The following EXOC6B variants were observed in gnomAD, a reference collection of about 807,000 sequenced individuals.
EXOC6B encodes exocyst complex component 6B.
EXOC6B carries 54 observed loss-of-function variants against 113.5 expected under a neutral mutation model. The observed-to-expected ratio is 0.48, with a 90% CI of 0.38 to 0.60. EXOC6B has a LOEUF of 0.60. Ranked by LOEUF, EXOC6B falls within the 20% of genes least tolerant of loss-of-function variation. EXOC6B has a pLI of 0.00. For missense variants in EXOC6B, 797 were observed against 977.5 expected (o/e 0.82, Z 2.46); for synonymous variants, 357 against 339.0 (o/e 1.05, Z -0.58).
intron 1 of EXOC6B, among the ~76,000 whole-genome samples, chr2:72,797,245 A>G (rs953695802): frequency 1.3e-5 from 2 of 152,244 alleles, no homozygotes; most frequent in African/African-American, 4.8e-5. Flanking sequence ...ATAAGGAAAG[A>G]GCTGTTTTTA....
chr2:72,233,607 T>G (rs557273356), intron 20 of EXOC6B, among the ~76,000 whole-genome samples: 2 of 152,234 alleles, frequency 1.3e-5, no homozygotes, highest in Admixed American at 6.5e-5. Context: ...GGGCAACTCT[T>G]GAGTCCAGGG....
chr2:72,656,078 T>A (rs1674553376), intron 6 of EXOC6B, among the ~76,000 whole-genome samples: 1 of 152,046 alleles, frequency 6.6e-6, no homozygotes, highest in African/African-American at 2.4e-5. Flanking sequence ...ATAAATAGAC[T>A]AAAATGCCTA....
intron 1 of EXOC6B, among the ~76,000 whole-genome samples, chr2:72,796,223 C>T (rs949724832): frequency 5.3e-5 from 8 of 151,006 alleles, no homozygotes; most frequent in Admixed American, 2.0e-4. Context: ...AAGGCCGAGG[C>T]GGGTGGATCA....
intron 8 of EXOC6B, among the ~76,000 whole-genome samples, chr2:72,556,189 A>G (rs760049430): frequency 2.0e-5 from 3 of 152,210 alleles, no homozygotes; most frequent in Non-Finnish European, 4.4e-5. Context: ...TGGAAGGCCA[A>G]AGAACAATGA....
chr2:72,672,457 G>A (rs1033192081), intron 6 of EXOC6B, among the ~76,000 whole-genome samples: 6 of 149,908 alleles, frequency 4.0e-5, no homozygotes, highest in Admixed American at 1.3e-4. Context: ...GGTGAAACCC[G>A]GCCTCTACTA....
chr2:72,797,049 T>A (rs1032983938), intron 1 of EXOC6B, among the ~76,000 whole-genome samples: 1 of 152,152 alleles, frequency 6.6e-6, no homozygotes, highest in Non-Finnish European at 1.5e-5. Flanking sequence ...GGACTTCAAA[T>A]TGAGGAAGGG....
Position 72,730,989 on chromosome 2 carries a change from AT to A in EXOC6B, c.464+17del. ...AATTTTAGATAGTAAAAACTGTTCG[AT>A]TAAAAAAAAATCTTACCTTTTAGTT... On this transcript the variant is annotated intron_variant, in intron 5 of 21. Transcript: ENST00000272427. 6.6e-7 allele frequency: 1 copy of A among 1,515,134 alleles called. No homozygotes were observed. The highest frequency in any genetic ancestry group is 2.3e-5 in the Admixed American group (1 of 42,760). 93.9% of individuals were successfully genotyped at this position (1,515,134 alleles called of 1,614,324 possible). A position where few individuals can be genotyped will look rare whatever the true frequency, so the allele number is the denominator to read the frequency against.
intron 1 of EXOC6B, among the ~76,000 whole-genome samples, chr2:72,806,000 T>C (rs1469304752): frequency 1.3e-5 from 2 of 152,188 alleles, no homozygotes; most frequent in African/African-American, 2.4e-5. Flanking sequence ...CCACAGTATA[T>C]ATAAATATAT....
chr2:72,341,107 T>A (rs1689008748), intron 19 of EXOC6B, among the ~76,000 whole-genome samples: 1 of 152,134 alleles, frequency 6.6e-6, no homozygotes, highest in Non-Finnish European at 1.5e-5. Flanking sequence ...ACAAAATAGA[T>A]ACCATTAATT....
chr2:72,236,630 T>C (rs1339986892), intron 20 of EXOC6B, among the ~76,000 whole-genome samples: 7 of 152,166 alleles, frequency 4.6e-5, no homozygotes, highest in Admixed American at 4.6e-4. Flanking sequence ...ATTCAATCAA[T>C]TAGCAATGCA....
At chr2:72,686,902 G>A (rs763439129) in intron 6 of EXOC6B, among the ~76,000 whole-genome samples, 1 of 152,082 alleles carries the variant, frequency 6.6e-6, no homozygotes, top group Admixed American at 6.6e-5. Flanking sequence ...ACTTTGGGAG[G>A]CCGAGGCAGG....
chr2:72,466,485 C>T (rs186996664), intron 17 of EXOC6B, among the ~76,000 whole-genome samples: 6 of 152,202 alleles, frequency 3.9e-5, no homozygotes, highest in Admixed American at 6.5e-5. Flanking sequence ...CTTTCCTCCA[C>T]AGTCAGAAAA....
At chr2:72,537,208 C>A (rs1386057119) in intron 8 of EXOC6B, among the ~76,000 whole-genome samples, 1 of 151,940 alleles carries the variant, frequency 6.6e-6, no homozygotes, top group Non-Finnish European at 1.5e-5. Flanking sequence ...TTATCTTCTT[C>A]CTGACTTTAC....
intron 1 of EXOC6B, among the ~76,000 whole-genome samples, chr2:72,775,135 A>T (rs1355193967): frequency 9.2e-5 from 14 of 152,118 alleles, no homozygotes; most frequent in Non-Finnish European, 1.9e-4. Context: ...AGCTCTCTGA[A>T]ACTCCTTATT....
intron 20 of EXOC6B, among the ~76,000 whole-genome samples, chr2:72,286,721 G>C (rs2104693058): frequency 6.6e-6 from 1 of 152,172 alleles, no homozygotes; most frequent in South Asian, 2.1e-4. Context: ...GAATAATGAG[G>C]GAGGCTATGC....
intron 18 of EXOC6B, among the ~76,000 whole-genome samples, chr2:72,383,206 A>C (rs1691797565): frequency 6.6e-6 from 1 of 152,156 alleles, no homozygotes; most frequent in South Asian, 2.1e-4. Flanking sequence ...GAAAACAGAA[A>C]ACCTACAGAA....
intron 1 of EXOC6B, among the ~76,000 whole-genome samples, chr2:72,791,157 C>T (rs1559004962): frequency 6.6e-6 from 1 of 152,098 alleles, no homozygotes; most frequent in African/African-American, 2.4e-5. Context: ...AAATGATAAA[C>T]GTTTGAGATG....
intron 16 of EXOC6B, 79 bp from the exon 17 acceptor site, chr2:72,480,829 C>A (rs1573221373): frequency 7.2e-7 from 1 of 1,393,546 alleles, no homozygotes; most frequent in Non-Finnish European, 9.7e-7. Context: ...TCTGCCGGTA[C>A]AAAACAAATG....
At chr2:72,552,685 G>A (rs1379811275) in intron 8 of EXOC6B, among the ~76,000 whole-genome samples, 2 of 151,866 alleles carry the variant, frequency 1.3e-5, no homozygotes, top group Non-Finnish European at 2.9e-5. Context: ...AGTAACACAT[G>A]CTCATCAAAT....
Sources: allele counts gnomAD v4.1 joint callset (sites outside exome capture counted in the v4.1 genomes callset), GRCh38; gene constraint gnomAD v4.1.1; transcripts MANE v1.5; gene names NCBI Gene and HGNC (gene_info 2026-07-23, HGNC 2026-07-21).